The following ZDHHC7 variants were observed in gnomAD, a reference collection of about 807,000 sequenced individuals.
ZDHHC7 encodes the protein zDHHC palmitoyltransferase 7.
ZDHHC7 carries 12 observed loss-of-function variants against 34.1 expected under a neutral mutation model. The ratio of observed to expected loss-of-function variants is 0.35; its 90% CI spans 0.23 to 0.57. The LOEUF is 0.57. Among genes scored for constraint, ZDHHC7 ranks in the 20% least tolerant of loss-of-function variants. The probability of loss-of-function intolerance (pLI) is 0.84; values close to 1 mark genes in which losing one functional copy is unlikely to be tolerated. For missense variants in ZDHHC7, 388 were observed against 402.7 expected (o/e 0.96, Z 0.31); for synonymous variants, 185 against 155.4 (o/e 1.19, Z -1.42).
At chr16:85,006,581 T>G (rs1035399385) in intron 1 of ZDHHC7, among the ~76,000 whole-genome samples, 1 of 148,302 alleles carries the variant, frequency 6.7e-6, no homozygotes, top group African/African-American at 2.5e-5. Context: ...TTCTGTAATT[T>G]AAAAAAAAAG....
At chr16:84,980,619 G>C (rs578056226) in intron 4 of ZDHHC7, among the ~76,000 whole-genome samples, 6 of 152,070 alleles carry the variant, frequency 3.9e-5, no homozygotes, top group Admixed American at 3.9e-4. Flanking sequence ...GCAGTGAGCC[G>C]AGATTATGCC....
At chr16:84,979,005 C>G (rs1221119935) in intron 5 of ZDHHC7, among the ~76,000 whole-genome samples, 184 bp downstream of exon 5, 1 of 152,076 alleles carries the variant, frequency 6.6e-6, no homozygotes, top group Admixed American at 6.6e-5. Context: ...TAAAATAATA[C>G]AAGCAACATA....
At chr16:85,013,866 TTA>T (rs1288734196), upstream of ZDHHC7, among the ~76,000 whole-genome samples, 1 of 151,870 alleles carries the variant, frequency 6.6e-6, no homozygotes, top group Non-Finnish European at 1.5e-5. Context: ...TTTTGTATTT[TTA>T]GTAGAGACGG....
At position 84,975,960 on chromosome 16, in the gene ZDHHC7, C is replaced by G. The variant is rs573825367; in HGVS notation, c.*383G>C. 3 of 225,516 alleles carry G rather than the reference C, an allele frequency of 1.3e-5. No individual in the cohort carries two copies. In the South Asian group the frequency reaches 1.9e-4, roughly 14 times the overall value. 14.0% of individuals were successfully genotyped at this position (225,516 alleles called of 1,614,324 possible). ...GAGTGGCGGGGTCAGCAGGAGCCCC[C>G]TGAAATGACTGCTTGGAGAATCCCT... On this transcript the variant is annotated 3_prime_UTR_variant, in exon 8 of 8. Coordinates refer to ENST00000313732, the MANE Select transcript of ZDHHC7 (RefSeq NM_017740.3).
chr16:84,980,706 C>A (rs531175624), intron 4 of ZDHHC7, among the ~76,000 whole-genome samples: 1 of 152,292 alleles, frequency 6.6e-6, no homozygotes, highest in South Asian at 2.1e-4. Context: ...TAAAAGTTCA[C>A]CCATTTGCAA....
chr16:84,990,987 G>A (rs866833707), intron 2 of ZDHHC7, among the ~76,000 whole-genome samples: 2 of 152,130 alleles, frequency 1.3e-5, no homozygotes, highest in African/African-American at 4.8e-5. Context: ...TCACTGCTGC[G>A]CCTGCTCCCC....
chr16:85,022,358 T>TA, the ZDHHC7 span, among the ~76,000 whole-genome samples: 1 of 150,954 alleles, frequency 6.6e-6, no homozygotes, highest in East Asian at 2.0e-4. Flanking sequence ...CTAACTCTAC[T>TA]AAAAATACAA....
intron 3 of ZDHHC7, chr16:84,988,959 T>A (rs548191937): frequency 2.2e-6 from 3 of 1,363,956 alleles, no homozygotes; most frequent in Non-Finnish European, 3.1e-6. Flanking sequence ...CCTGGGCACT[T>A]TGGGCAACAA....
chr16:84,994,211 T>G (rs573324049), intron 2 of ZDHHC7, among the ~76,000 whole-genome samples: 1 of 152,232 alleles, frequency 6.6e-6, no homozygotes, highest in Non-Finnish European at 1.5e-5. Flanking sequence ...GCATGCTGTC[T>G]GGCGCACAGC....
At chr16:85,022,766 G>A in the ZDHHC7 span, among the ~76,000 whole-genome samples, 1 of 152,154 alleles carries the variant, frequency 6.6e-6, no homozygotes, top group Non-Finnish European at 1.5e-5. Flanking sequence ...GAGACAAATA[G>A]ACAGTATGTG....
intron 1 of ZDHHC7, among the ~76,000 whole-genome samples, chr16:85,007,805 G>C (rs1196700449): frequency 6.6e-6 from 1 of 152,086 alleles, no homozygotes; most frequent in Non-Finnish European, 1.5e-5. Context: ...GGATTTTCAA[G>C]TAGGAAGGGA....
intron 6 of ZDHHC7, among the ~76,000 whole-genome samples, chr16:84,977,593 C>T (rs984155956): frequency 6.6e-6 from 1 of 152,222 alleles, no homozygotes; most frequent in African/African-American, 2.4e-5. Context: ...TGGGATGAGC[C>T]TGTCCAGACC....
chr16:85,006,220 G>A (rs1402901265), intron 1 of ZDHHC7, among the ~76,000 whole-genome samples: 1 of 152,004 alleles, frequency 6.6e-6, no homozygotes, highest in Non-Finnish European at 1.5e-5. Flanking sequence ...TTAGCTGGGC[G>A]CAGTGGTACA....
chr16:85,002,851 G>C (rs2072670699), intron 1 of ZDHHC7, among the ~76,000 whole-genome samples: 1 of 151,946 alleles, frequency 6.6e-6, no homozygotes, highest in African/African-American at 2.4e-5. Flanking sequence ...TCAGCAGAGA[G>C]GAGGAGCGGG....
chr16:84,986,077 A>T (rs2072433168), intron 3 of ZDHHC7, among the ~76,000 whole-genome samples: 1 of 152,076 alleles, frequency 6.6e-6, no homozygotes, highest in South Asian at 2.1e-4. Context: ...TTTTACAAAG[A>T]GCCCTTTTAA....
At chr16:85,013,992 T>C (rs145174563), upstream of ZDHHC7, among the ~76,000 whole-genome samples, 1 of 152,240 alleles carries the variant, frequency 6.6e-6, no homozygotes, top group East Asian at 1.9e-4. Flanking sequence ...TCAGCCTAAT[T>C]TGTCTTTGTT....
upstream of ZDHHC7, among the ~76,000 whole-genome samples, chr16:85,015,588 C>T (rs1000243452): frequency 8.5e-5 from 13 of 152,134 alleles, no homozygotes; most frequent in East Asian, 1.9e-4. Flanking sequence ...CGGTTGCTCA[C>T]GCTTGCAATC....
At chr16:84,998,903 G>A (rs889418005) in intron 1 of ZDHHC7, among the ~76,000 whole-genome samples, 4 of 151,864 alleles carry the variant, frequency 2.6e-5, no homozygotes, top group Non-Finnish European at 4.4e-5. Context: ...ACAGGTGCAC[G>A]CCACCACTCC....
chr16:85,026,702 G>A, the ZDHHC7 span, among the ~76,000 whole-genome samples: 1 of 151,420 alleles, frequency 6.6e-6, no homozygotes, highest in East Asian at 2.0e-4. Context: ...CATAACTCCC[G>A]TAATTTCAGA....
Sources: allele counts gnomAD v4.1 joint callset (sites outside exome capture counted in the v4.1 genomes callset), GRCh38; gene constraint gnomAD v4.1.1; transcripts MANE v1.5; gene names NCBI Gene and HGNC (gene_info 2026-07-23, HGNC 2026-07-21).